RNF150: variants seen among roughly 807,000 people sequenced by gnomAD.
RNF150 encodes the protein ring finger protein 150.
In RNF150, 24 loss-of-function variants were observed where a neutral mutation model predicts 39.3. The ratio of observed to expected loss-of-function variants is 0.61; its 90% CI spans 0.44 to 0.86. The LOEUF is 0.86. Ranked by LOEUF, RNF150 falls within the 40% of genes least tolerant of loss-of-function variation. The probability of loss-of-function intolerance (pLI) is 0.00; values close to 1 mark genes in which losing one functional copy is unlikely to be tolerated. For synonymous variants in RNF150, 255 were observed against 227.3 expected (o/e 1.12, Z -1.10); for missense variants, 502 against 587.8 (o/e 0.85, Z 1.51).
At chr4:141,087,175 G>T (rs925008378) in intron 1 of RNF150, among the ~76,000 whole-genome samples, 1 of 151,788 alleles carries the variant, frequency 6.6e-6, no homozygotes, top group Non-Finnish European at 1.5e-5. Context: ...GTTGTCTGTT[G>T]TTGCCTTGCG....
At chr4:141,047,692 A>G (rs1736630331) in intron 1 of RNF150, among the ~76,000 whole-genome samples, 1 of 152,172 alleles carries the variant, frequency 6.6e-6, no homozygotes, top group African/African-American at 2.4e-5. Context: ...GGATTTTCCA[A>G]GGATCACAAG....
At chr4:141,068,209 T>G (rs963459569) in intron 1 of RNF150, among the ~76,000 whole-genome samples, 6 of 152,200 alleles carry the variant, frequency 3.9e-5, no homozygotes, top group Non-Finnish European at 7.4e-5. Flanking sequence ...CCTCCCAAAG[T>G]GCTGGGATTA....
chr4:141,028,901 T>C (rs561865911), intron 1 of RNF150, among the ~76,000 whole-genome samples: 17 of 152,162 alleles, frequency 1.1e-4, no homozygotes, highest in Non-Finnish European at 2.1e-4. Context: ...ACAATAACAT[T>C]GATACAGAAA....
At chr4:141,148,884 G>C (rs780801303) in intron 1 of RNF150, among the ~76,000 whole-genome samples, 1 of 152,182 alleles carries the variant, frequency 6.6e-6, no homozygotes, top group Non-Finnish European at 1.5e-5. Flanking sequence ...AGCTGCAGAA[G>C]GGGGTTGATT....
intron 1 of RNF150, among the ~76,000 whole-genome samples, chr4:141,127,428 G>A (rs2111100433): frequency 6.6e-6 from 1 of 152,236 alleles, no homozygotes; most frequent in Middle Eastern, 3.4e-3. Flanking sequence ...AGAAAAATGA[G>A]TCCTGAAGAA....
At chr4:141,059,654 A>G (rs963503657) in intron 1 of RNF150, among the ~76,000 whole-genome samples, 9 of 152,148 alleles carry the variant, frequency 5.9e-5, no homozygotes, top group African/African-American at 2.2e-4. Context: ...ATTTAGCTTT[A>G]GCTGTAAAAA....
chr4:141,070,887 T>C (rs1382040566), intron 1 of RNF150, among the ~76,000 whole-genome samples: 3 of 148,910 alleles, frequency 2.0e-5, no homozygotes, highest in Non-Finnish European at 4.5e-5. Flanking sequence ...ACTGGGTATA[T>C]ACCCAAATGA....
At chr4:140,958,344 CTCAGTGTT>C (rs1732867860) in intron 2 of RNF150, among the ~76,000 whole-genome samples, 1 of 151,986 alleles carries the variant, frequency 6.6e-6, no homozygotes, top group South Asian at 2.1e-4. Context: ...AGGGCCAGCG[CTCAGTGTT>C]GAATGGTCAA....
chr4:141,124,019 T>C (rs1726686024), intron 1 of RNF150, among the ~76,000 whole-genome samples: 2 of 152,188 alleles, frequency 1.3e-5, no homozygotes, highest in African/African-American at 4.8e-5. Flanking sequence ...TGTCAGGACC[T>C]ACATGGCTAA....
At chr4:141,146,289 A>G (rs940158067) in intron 1 of RNF150, among the ~76,000 whole-genome samples, 1 of 152,206 alleles carries the variant, frequency 6.6e-6, no homozygotes, top group African/African-American at 2.4e-5. Flanking sequence ...TCTGCAGGAG[A>G]AACATTCCTT....
chr4:141,064,171 C>A (rs187400106), intron 1 of RNF150, among the ~76,000 whole-genome samples: 1 of 152,130 alleles, frequency 6.6e-6, no homozygotes, highest in African/African-American at 2.4e-5. Context: ...ACAGTGCTTG[C>A]AACAACCTTA....
chr4:141,190,816 A>T (rs902336816), intron 1 of RNF150, among the ~76,000 whole-genome samples: 1 of 152,244 alleles, frequency 6.6e-6, no homozygotes, highest in Non-Finnish European at 1.5e-5. Context: ...AGACAAAATT[A>T]GGTTTTATTA....
intron 1 of RNF150, among the ~76,000 whole-genome samples, chr4:141,143,035 A>C (rs1434522706): frequency 6.6e-6 from 1 of 151,840 alleles, no homozygotes; most frequent in Non-Finnish European, 1.5e-5. Flanking sequence ...ATGCACAGAT[A>C]ATTTTTTGTA....
chr4:141,020,660 T>C (rs1250172593), intron 1 of RNF150, among the ~76,000 whole-genome samples: 3 of 152,196 alleles, frequency 2.0e-5, no homozygotes, highest in African/African-American at 4.8e-5. Flanking sequence ...TGGCAAACTC[T>C]ATAAACTATG....
At chr4:141,118,632 G>A (rs1378179623) in intron 1 of RNF150, among the ~76,000 whole-genome samples, 1 of 152,144 alleles carries the variant, frequency 6.6e-6, no homozygotes, top group Non-Finnish European at 1.5e-5. Flanking sequence ...AACTGGCCAG[G>A]CAAGGTAATG....
chr4:140,985,662 T>A (rs1733993999), intron 1 of RNF150, among the ~76,000 whole-genome samples: 1 of 152,238 alleles, frequency 6.6e-6, no homozygotes, highest in Non-Finnish European at 1.5e-5. Flanking sequence ...AAATATATAC[T>A]GGAATTTGAA....
intron 1 of RNF150, among the ~76,000 whole-genome samples, chr4:140,975,808 G>C (rs142353186): frequency 6.6e-6 from 1 of 152,112 alleles, no homozygotes; most frequent in Non-Finnish European, 1.5e-5. Context: ...ATGAGGGCAG[G>C]CTCTCTGCAG....
intron 1 of RNF150, among the ~76,000 whole-genome samples, chr4:140,976,774 A>G (rs1733679437): frequency 6.6e-6 from 1 of 151,924 alleles, no homozygotes; most frequent in African/African-American, 2.4e-5. Context: ...CTATTTCTCC[A>G]TGGAACCTGC....
chr4:141,060,006 T>C (rs1212536972), intron 1 of RNF150, among the ~76,000 whole-genome samples: 3 of 152,190 alleles, frequency 2.0e-5, no homozygotes, highest in Non-Finnish European at 4.4e-5. Context: ...AAATCTAGAC[T>C]TTAAAAACAT....
Sources: allele counts gnomAD v4.1 joint callset (sites outside exome capture counted in the v4.1 genomes callset), GRCh38; gene constraint gnomAD v4.1.1; transcripts MANE v1.5; gene names NCBI Gene and HGNC (gene_info 2026-07-23, HGNC 2026-07-21).